The following PTPRT variants were observed in gnomAD, a reference collection of about 807,000 sequenced individuals.
PTPRT encodes the protein receptor-type tyrosine-protein phosphatase T.
In PTPRT, 56 loss-of-function variants were observed where a neutral mutation model predicts 176.8. The ratio of observed to expected loss-of-function variants is 0.32; its 90% CI spans 0.26 to 0.40. The LOEUF (loss-of-function observed/expected upper bound fraction) is 0.40. Ranked by LOEUF, PTPRT falls within the 10% of genes least tolerant of loss-of-function variation. The pLI is 1.00. For missense variants in PTPRT, 1,540 were observed against 1,908.2 expected, an observed-to-expected ratio of 0.81 and a Z score of 3.60; for synonymous variants, 783 against 739.0, an observed-to-expected ratio of 1.06 and a Z score of -0.96.
chr20:42,640,384 G>A (rs1453492714), intron 7 of PTPRT, among the ~76,000 whole-genome samples: 1 of 151,324 alleles, frequency 6.6e-6, no homozygotes, highest in Non-Finnish European at 1.5e-5. Flanking sequence ...TTTAAGTATA[G>A]AGACTTCTTT....
At chr20:42,155,592 G>A (rs1042525887) in intron 17 of PTPRT, among the ~76,000 whole-genome samples, 2 of 152,178 alleles carry the variant, frequency 1.3e-5, no homozygotes, top group Non-Finnish European at 2.9e-5. Context: ...AATACTTAAT[G>A]AATGTTATAG....
chr20:42,309,681 A>G (rs772876179), intron 12 of PTPRT, among the ~76,000 whole-genome samples: 2 of 152,238 alleles, frequency 1.3e-5, no homozygotes, highest in African/African-American at 2.4e-5. Flanking sequence ...AAGTGAGGAA[A>G]CAGATTCATA....
intron 2 of PTPRT, among the ~76,000 whole-genome samples, chr20:42,882,668 AG>A (rs2079026820): frequency 6.6e-6 from 1 of 152,266 alleles, no homozygotes; most frequent in Admixed American, 6.5e-5. Flanking sequence ...TTGCTAATTT[AG>A]TACATAGGAT....
chr20:43,092,703 T>A (rs775611551), intron 1 of PTPRT, among the ~76,000 whole-genome samples: 14 of 152,232 alleles, frequency 9.2e-5, no homozygotes, highest in Non-Finnish European at 1.8e-4. Flanking sequence ...AGAGTTTTCT[T>A]TCCTCCTTCT....
intron 4 of PTPRT, among the ~76,000 whole-genome samples, chr20:42,776,386 A>G (rs928982333): frequency 2.6e-5 from 4 of 152,212 alleles, no homozygotes; most frequent in African/African-American, 7.2e-5. Flanking sequence ...CTTTAGGGAA[A>G]GCCCTAATCC....
intron 1 of PTPRT, among the ~76,000 whole-genome samples, chr20:43,158,524 C>A (rs4812682): frequency 0.62 from 94,619 of 151,998 alleles, 29,983 homozygotes; most frequent in South Asian, 0.69. Flanking sequence ...TTCAAAGCAG[C>A]ACAAATTATA....
intron 6 of PTPRT, among the ~76,000 whole-genome samples, chr20:42,715,659 G>A (rs936458055): frequency 3.3e-5 from 5 of 152,036 alleles, no homozygotes; most frequent in African/African-American, 9.7e-5. Context: ...TTTGCAACCC[G>A]TGACAGTGCA....
chr20:42,631,633 G>A (rs970816040), intron 7 of PTPRT, among the ~76,000 whole-genome samples: 11 of 152,108 alleles, frequency 7.2e-5, no homozygotes, highest in Admixed American at 5.9e-4. Context: ...CCTGTTTTGG[G>A]GATGAAATGG....
At chr20:43,171,209 G>T (rs1347047214) in intron 1 of PTPRT, among the ~76,000 whole-genome samples, 3 of 152,132 alleles carry the variant, frequency 2.0e-5, no homozygotes, top group African/African-American at 7.2e-5. Flanking sequence ...CTGAATGACA[G>T]ATTTAAGATA....
intron 9 of PTPRT, among the ~76,000 whole-genome samples, chr20:42,414,445 C>T (rs916350598): frequency 1.3e-5 from 2 of 152,166 alleles, no homozygotes; most frequent in African/African-American, 4.8e-5. Context: ...AAAGGTATGC[C>T]TGTTTTTAAA....
chr20:42,765,257 G>A (rs745357036), intron 5 of PTPRT, among the ~76,000 whole-genome samples: 2 of 152,140 alleles, frequency 1.3e-5, no homozygotes, highest in Non-Finnish European at 2.9e-5. Context: ...CTCCATGGTG[G>A]GGCTGACAGA....
chr20:42,934,902 C>G (rs1415966671), intron 1 of PTPRT, among the ~76,000 whole-genome samples: 2 of 151,718 alleles, frequency 1.3e-5, no homozygotes, highest in African/African-American at 4.8e-5. Flanking sequence ...AACCACGTCT[C>G]TATTAAAAAT....
At chr20:42,618,511 C>T (rs57782917) in intron 7 of PTPRT, among the ~76,000 whole-genome samples, 57 of 133,034 alleles carry the variant, frequency 4.3e-4, no homozygotes, top group African/African-American at 1.9e-3. Flanking sequence ...ACTTTCTGTC[C>T]GTTGATCTGT....
chr20:43,045,772 C>T (rs981760972), intron 1 of PTPRT, among the ~76,000 whole-genome samples: 1 of 151,996 alleles, frequency 6.6e-6, no homozygotes, highest in Non-Finnish European at 1.5e-5. Context: ...CAATCCCTAC[C>T]CTTTTGAGTT....
chr20:42,152,446 T>C (rs1989177889), intron 17 of PTPRT, among the ~76,000 whole-genome samples: 2 of 152,196 alleles, frequency 1.3e-5, no homozygotes, highest in African/African-American at 2.4e-5. Context: ...TGCAGCAAGA[T>C]GGGGGTATTT....
chr20:42,916,228 C>T lies in PTPRT; in HGVS notation c.89-30296G>A, dbSNP rs1978746496. Reference sequence around the variant, plus strand: ...GAACATGCAGTGTTTGGTTTTATGTCCTTGCGATAGTTTACTGAGAATGAT... The same window carrying T: ...GAACATGCAGTGTTTGGTTTTATGTTCTTGCGATAGTTTACTGAGAATGAT... On this transcript the variant is annotated intron_variant, in intron 1 of 30. Coordinates refer to ENST00000373187, the MANE Select transcript of PTPRT (RefSeq NM_007050.6). 4.0e-5 allele frequency among the ~76,000 whole-genome samples: 6 copies of T among 148,982 alleles called. No individual in the cohort carries two copies. The South Asian group carries it at 1.3e-3, about 32-fold the overall frequency.
chr20:42,534,614 C>G (rs900909799), intron 7 of PTPRT, among the ~76,000 whole-genome samples: 1 of 151,956 alleles, frequency 6.6e-6, no homozygotes, highest in African/African-American at 2.4e-5. Context: ...CCAGCCTGGG[C>G]GACAGAGCGA....
chr20:42,698,424 G>T (rs2075918266), intron 6 of PTPRT, among the ~76,000 whole-genome samples: 1 of 152,088 alleles, frequency 6.6e-6, no homozygotes. Flanking sequence ...CAAACGCCTG[G>T]GTCCCTCCAA....
intron 1 of PTPRT, among the ~76,000 whole-genome samples, chr20:43,155,440 C>T (rs1235149773): frequency 6.6e-6 from 1 of 152,164 alleles, no homozygotes; most frequent in Non-Finnish European, 1.5e-5. Flanking sequence ...AAGACAAACA[C>T]TGCATGATCT....
Sources: allele counts gnomAD v4.1 joint callset (sites outside exome capture counted in the v4.1 genomes callset), GRCh38; gene constraint gnomAD v4.1.1; transcripts MANE v1.5; gene names NCBI Gene and HGNC (gene_info 2026-07-23, HGNC 2026-07-21).